The following PTPRR variants were observed in gnomAD, a reference collection of about 807,000 sequenced individuals.
PTPRR encodes receptor-type tyrosine-protein phosphatase R.
In PTPRR, 38 loss-of-function variants were observed where a neutral mutation model predicts 77.2. The ratio of observed to expected loss-of-function variants is 0.49; its 90% CI spans 0.38 to 0.65. The LOEUF (loss-of-function observed/expected upper bound fraction) is 0.65, where lower values mean the gene tolerates loss of function less well. PTPRR is among the 30% of genes least tolerant of loss of function. PTPRR has a pLI of 0.00. For missense variants in PTPRR, 744 were observed against 799.2 expected (o/e 0.93, Z 0.83); for synonymous variants, 299 against 283.1 (o/e 1.06, Z -0.57).
intron 2 of PTPRR, among the ~76,000 whole-genome samples, chr12:70,870,100 T>C (rs1892934576): frequency 6.6e-6 from 1 of 152,114 alleles, no homozygotes; most frequent in South Asian, 2.1e-4. Flanking sequence ...CTACTGTCTA[T>C]TAGAAGGCCC....
intron 1 of PTPRR, among the ~76,000 whole-genome samples, chr12:70,898,774 A>C (rs1893480441): frequency 6.6e-6 from 1 of 151,360 alleles, no homozygotes; most frequent in South Asian, 2.1e-4. Flanking sequence ...ATACAGAGAG[A>C]GAAAAACGAG....
intron 12 of PTPRR, 35 bp from the exon 13 acceptor site, chr12:70,656,852 G>T (rs761690467): frequency 4.2e-5 from 58 of 1,380,930 alleles, no homozygotes; most frequent in Non-Finnish European, 5.5e-5. Flanking sequence ...AAAAAGTGGG[G>T]GAAAATGACA....
chr12:70,710,671 T>C (rs1888793517), intron 6 of PTPRR, among the ~76,000 whole-genome samples: 1 of 152,116 alleles, frequency 6.6e-6, no homozygotes, highest in Admixed American at 6.6e-5. Context: ...AAAGGTCTAA[T>C]ATCCAGCATC....
At chr12:70,789,465 C>G (rs1348327333) in intron 2 of PTPRR, among the ~76,000 whole-genome samples, 2 of 152,002 alleles carry the variant, frequency 1.3e-5, no homozygotes, top group Non-Finnish European at 2.9e-5. Context: ...TAAAGTGACT[C>G]AATCAGAGGC....
Position 70,777,795 on chromosome 12 carries a change from C to T in PTPRR, c.358-13017G>A, listed in dbSNP as rs532375244. ...AGACATCTGAGCCCCCAGATCACTG[C>T]GTGGAGAAGAGGGTCCCACTCAGAA... On this transcript the variant is annotated intron_variant, in intron 2 of 13. Coordinates refer to ENST00000283228, the MANE Select transcript of PTPRR (RefSeq NM_002849.4). 9.2e-5 allele frequency among the ~76,000 whole-genome samples: 14 copies of T among 152,252 alleles called. No homozygotes were observed. In the South Asian group the frequency reaches 1.0e-3, roughly 11 times the overall value.
At chr12:70,912,863 A>G (rs1328028936) in intron 1 of PTPRR, among the ~76,000 whole-genome samples, 1 of 152,120 alleles carries the variant, frequency 6.6e-6, no homozygotes. Context: ...TATTTTTCGA[A>G]ACTACTAACA....
chr12:70,872,423 C>A (rs186966796), intron 2 of PTPRR, among the ~76,000 whole-genome samples: 10 of 152,010 alleles, frequency 6.6e-5, no homozygotes, highest in Admixed American at 3.9e-4. Flanking sequence ...CAGCCGCTTG[C>A]GGTGGCTCAC....
At chr12:70,778,975 A>G (rs1891145854) in intron 2 of PTPRR, among the ~76,000 whole-genome samples, 1 of 152,044 alleles carries the variant, frequency 6.6e-6, no homozygotes, top group Admixed American at 6.6e-5. Flanking sequence ...CCTCCCAAGT[A>G]GCTGGGATTA....
At chr12:70,892,636 A>G in intron 2 of PTPRR, 43 bp downstream of exon 2, 1 of 1,594,924 alleles carries the variant, frequency 6.3e-7, no homozygotes, top group Non-Finnish European at 8.6e-7. Context: ...ATGACAGGAA[A>G]GAATCAACAT....
intron 2 of PTPRR, among the ~76,000 whole-genome samples, chr12:70,874,638 C>A (rs1893018170): frequency 6.6e-6 from 1 of 152,032 alleles, no homozygotes; most frequent in Admixed American, 6.6e-5. Flanking sequence ...TAAAAAGCAA[C>A]CTCGGCCAGG....
At chr12:70,788,483 C>T (rs1318897945) in intron 2 of PTPRR, among the ~76,000 whole-genome samples, 1 of 152,210 alleles carries the variant, frequency 6.6e-6, no homozygotes, top group African/African-American at 2.4e-5. Context: ...AAAATATCTG[C>T]TCCACTCAAT....
intron 8 of PTPRR, among the ~76,000 whole-genome samples, chr12:70,696,211 A>C (rs528306356): frequency 6.6e-6 from 1 of 152,000 alleles, no homozygotes; most frequent in South Asian, 2.1e-4. Context: ...TCTGGACAGA[A>C]TTAATTACTC....
intron 2 of PTPRR, among the ~76,000 whole-genome samples, chr12:70,850,477 C>T (rs937798930): frequency 1.3e-5 from 2 of 152,148 alleles, no homozygotes; most frequent in Non-Finnish European, 2.9e-5. Flanking sequence ...ACTAAAATGA[C>T]TACCTACCTC....
intron 12 of PTPRR, among the ~76,000 whole-genome samples, chr12:70,659,658 T>G (rs1167083027): frequency 1.3e-5 from 2 of 152,138 alleles, no homozygotes; most frequent in Non-Finnish European, 2.9e-5. Flanking sequence ...TTGTTTTTGT[T>G]TTTTTGGCTC....
At chr12:70,675,634 T>A (rs1165654845) in intron 10 of PTPRR, among the ~76,000 whole-genome samples, 1 of 152,040 alleles carries the variant, frequency 6.6e-6, no homozygotes, top group Non-Finnish European at 1.5e-5. Flanking sequence ...TGCTCACTAT[T>A]ATTTCTTGTA....
intron 4 of PTPRR, among the ~76,000 whole-genome samples, chr12:70,755,253 A>C (rs552221872): frequency 2.6e-5 from 4 of 152,272 alleles, no homozygotes; most frequent in African/African-American, 9.6e-5. Flanking sequence ...CATTTTGTTG[A>C]AGGGTGCCTT....
chr12:70,892,449 C>T (rs1475936619), intron 2 of PTPRR, among the ~76,000 whole-genome samples: 1 of 151,976 alleles, frequency 6.6e-6, no homozygotes, highest in East Asian at 1.9e-4. Flanking sequence ...TACCATGTAC[C>T]ATGCATTCTG....
intron 6 of PTPRR, among the ~76,000 whole-genome samples, chr12:70,724,705 G>A (rs1285407522): frequency 2.0e-5 from 3 of 151,944 alleles, no homozygotes; most frequent in African/African-American, 4.8e-5. Flanking sequence ...GTGTTGGTGC[G>A]TGCTCCTGCT....
At chr12:70,854,836 T>G (rs950957111) in intron 2 of PTPRR, among the ~76,000 whole-genome samples, 1 of 152,200 alleles carries the variant, frequency 6.6e-6, no homozygotes, top group Non-Finnish European at 1.5e-5. Context: ...GTTGTGAGGG[T>G]TAAATGTACT....
Sources: gnomAD v4.1 joint callset for allele counts (sites outside exome capture counted in the v4.1 genomes callset) on GRCh38, gnomAD v4.1.1 for gene constraint, MANE v1.5 for transcripts, NCBI Gene and HGNC (gene_info 2026-07-23, HGNC 2026-07-21) for gene names.